ENTR1: variants seen among roughly 807,000 people sequenced by gnomAD.
The protein encoded by ENTR1 is endosome associated trafficking regulator 1.
A neutral mutation model predicts 47.9 loss-of-function variants in ENTR1; 47 were observed. The ratio of observed to expected loss-of-function variants is 0.98; its 90% CI spans 0.78 to 1.25. The LOEUF (loss-of-function observed/expected upper bound fraction) is 1.25, where lower values mean the gene tolerates loss of function less well. Among genes scored for constraint, ENTR1 ranks in the 50% most tolerant of loss-of-function variants. ENTR1 has a pLI of 0.00. For synonymous variants in ENTR1, 290 were observed against 245.8 expected (o/e 1.18, Z -1.68); for missense variants, 668 against 570.5 (o/e 1.17, Z -1.74).
At position 136,404,623 on chromosome 9, in the gene ENTR1, T is replaced by G. The variant is rs771706699; in HGVS notation, c.1068+8A>C. 23 of 1,613,868 alleles carry G rather than the reference T, an allele frequency of 1.4e-5. No individual in the cohort carries two copies. The highest frequency in any genetic ancestry group is 1.6e-5 in the Non-Finnish European group (19 of 1,179,814). ...AAGAAAAACACTGAAGTCCCTTCCTTTAATTACCTGGAGCAAACTGATTTC... is the reference window on the plus strand; with the variant it reads ...AAGAAAAACACTGAAGTCCCTTCCTGTAATTACCTGGAGCAAACTGATTTC... On this transcript the variant is annotated splice_region_variant and intron_variant, in intron 8 of 9. Transcript: ENST00000357365.
chr9:136,410,014 C>CTCGT, intron 2 of ENTR1, 76 bp downstream of exon 2: 2 of 1,553,642 alleles, frequency 1.3e-6, no homozygotes, highest in Non-Finnish European at 1.8e-6. Context: ...AATGGACGAG[C>CTCGT]TCGTGCTGCA....
rs1347430361 is a variant in ENTR1, at chr9:136,410,473, C to A, written c.-76G>T. On this transcript the variant is annotated 5_prime_UTR_variant, in exon 1 of 10. Transcript: ENST00000357365. ...CATGGCCCCGGCTCCGCCCGTGCCGCGGCCCGCGTCGCCCGCCCCCGTCGC... is the reference window on the plus strand; with the variant it reads ...CATGGCCCCGGCTCCGCCCGTGCCGAGGCCCGCGTCGCCCGCCCCCGTCGC... 1.0e-6 allele frequency: 1 copy of A among 991,710 alleles called. No individual in the cohort carries two copies. Among genetic ancestry groups the A allele is most frequent in the Non-Finnish European group, 1.2e-6 (1 of 823,240 alleles). The allele number at this position is 991,710 out of a possible 1,614,324, so 61.4% of individuals were successfully genotyped here. A position where few individuals can be genotyped will look rare whatever the true frequency, so the allele number is the denominator to read the frequency against.
At position 136,407,820 on chromosome 9, in the gene ENTR1, A is replaced by G. The variant is rs750607327; in HGVS notation, c.402+6T>C. 8.7e-6 allele frequency: 14 copies of G among 1,600,480 alleles called. No individual in the cohort carries two copies. The highest frequency in any genetic ancestry group is 1.1e-5 in the Non-Finnish European group (13 of 1,167,720). ...AGAGCCATCGCCCACAGTGCCGTGG[A>G]TTTACCTTTGCATAAATTCTGCTGG... On this transcript the variant is annotated splice_donor_region_variant and intron_variant, in intron 4 of 9. Transcript: ENST00000357365.
rs1292301482 is a variant in ENTR1 at position 136,403,417 on chromosome 9, G to A, written c.1209-530C>T. Among the ~76,000 whole-genome samples the A allele has an allele frequency of 3.9e-4, 30 of 76,526 alleles. 1 individual carries two copies. Among genetic ancestry groups the A allele is most frequent in the African/African-American group, 1.2e-3 (26 of 21,628 alleles). 50.2% of individuals were successfully genotyped at this position (76,526 alleles called of 152,430 possible). On this transcript the variant is annotated intron_variant, in intron 9 of 9. Transcript: ENST00000357365. ...CAGGGAGCAAGGGGTGGGGTTTGCC[G>A]GGGAAGAAAGGGACAGGGTTCCTGG... is the stretch of plus-strand genomic sequence containing the variant.
At chr9:136,410,069 G>C (rs998725124) in intron 2 of ENTR1, 21 bp downstream of exon 2, 1 of 1,612,382 alleles carries the variant, frequency 6.2e-7, no homozygotes, top group African/African-American at 1.3e-5. Flanking sequence ...CGTCCCCGGG[G>C]CCGGCGCCCT....
Position 136,410,310 on chromosome 9 carries a change from G to C in ENTR1, c.70+18C>G, listed in dbSNP as rs1364343062. On this transcript the variant is annotated intron_variant, in intron 1 of 9. Coordinates refer to ENST00000357365, the MANE Select transcript of ENTR1 (RefSeq NM_001039707.2). ...GCCGCCCACCTGGACCGCTGGACTC[G>C]GCCCCTGCCCCGCTCACCGTCGGGA... 1 of 1,549,650 alleles carries C rather than the reference G, an allele frequency of 6.5e-7. No individual in the cohort carries two copies. The highest frequency in any genetic ancestry group is 8.7e-7 in the Non-Finnish European group (1 of 1,147,022).
At position 136,402,806 on chromosome 9, in the gene ENTR1, G is replaced by A. The variant is rs372063103; in HGVS notation, c.1290C>T (p.Asp430=). The A allele has an allele frequency of 1.9e-5, 31 of 1,612,564 alleles. 1 individual carries two copies. The highest frequency in any genetic ancestry group is 1.2e-4 in the African/African-American group (9 of 74,806). Residue 430 remains aspartate (D), a synonymous_variant, in exon 10 of 10, where the codon GAC becomes GAT. Transcript: ENST00000357365. ...GGGGTCCTCAAGAGTCTTCCTCCTC[G>A]TCTTTAACTTCAGAAATTCTGTCTA... ...KSIDRISEVK[D]EEEDS is the part of the protein sequence containing the mutation.
intron 4 of ENTR1, 49 bp from the exon 5 acceptor site, chr9:136,407,610 G>GGA: frequency 6.7e-7 from 1 of 1,502,664 alleles, no homozygotes; most frequent in Non-Finnish European, 8.8e-7. Context: ...CTTCTGACTC[G>GGA]GAGCGCATCT....
Position 136,410,316 on chromosome 9 carries a change from T to C in ENTR1, c.70+12A>G. The C allele has an allele frequency of 6.5e-7, 1 of 1,548,502 alleles. No individual in the cohort carries two copies. ...CACCTGGACCGCTGGACTCGGCCCC[T>C]GCCCCGCTCACCGTCGGGAATGGCG... On this transcript the variant is annotated intron_variant, in intron 1 of 9. Transcript: ENST00000357365.
intron 8 of ENTR1, 110 bp downstream of exon 8, chr9:136,404,521 T>C (rs1834665543): frequency 1.7e-6 from 2 of 1,193,954 alleles, no homozygotes; most frequent in Admixed American, 2.0e-5. Context: ...GTCCTTTCTC[T>C]GCTTGGGCTC....
chr9:136,406,927 T>A, intron 5 of ENTR1: 1 of 542,198 alleles, frequency 1.8e-6, no homozygotes, highest in Non-Finnish European at 3.2e-6. Flanking sequence ...CTGCATCCAA[T>A]TCACAGCTTC....
intron 3 of ENTR1, 86 bp downstream of exon 3, chr9:136,408,913 G>C: frequency 5.8e-6 from 5 of 860,152 alleles, no homozygotes; most frequent in East Asian, 2.8e-5. Flanking sequence ...ACACCACATA[G>C]CCAGTCACAT....
intron 4 of ENTR1, 87 bp from the exon 5 acceptor site, chr9:136,407,648 GAAGA>G (rs1385529225): frequency 8.1e-6 from 12 of 1,472,510 alleles, no homozygotes; most frequent in African/African-American, 4.3e-5. Context: ...CTCGCAACAA[GAAGA>G]AAGGCCCAAT....
Position 136,402,865 on chromosome 9 carries a change from T to C in ENTR1, c.1231A>G (p.Thr411Ala). Residue 411 changes from threonine to alanine, a missense_variant, in exon 10 of 10, where the codon ACA (threonine) becomes GCA (alanine). Thr to Ala is a moderately conservative substitution (Grantham distance 58, BLOSUM62 0). Coordinates refer to ENST00000357365, the MANE Select transcript of ENTR1 (RefSeq NM_001039707.2). ...SIKQLVSGAE[T>A]LNLVAEILKS... ...AGGATTTCGGCAACAAGATTCAGTG[T>C]CTCAGCTCCGGAAACCAGTTGCCTG... The C allele has an allele frequency of 6.2e-7, 1 of 1,612,100 alleles. No individual in the cohort carries two copies. The highest frequency in any genetic ancestry group is 8.5e-7 in the Non-Finnish European group (1 of 1,179,734).
chr9:136,405,842 A>G (rs1834736524), intron 6 of ENTR1, 63 bp downstream of exon 6: 1 of 1,027,892 alleles, frequency 9.7e-7, no homozygotes, highest in South Asian at 1.5e-5. Context: ...ATTATCATTT[A>G]AAAACGGATT....
chr9:136,402,660 G>C lies in ENTR1; in HGVS notation c.*128C>G. 1 of 658,876 alleles carries C rather than the reference G, an allele frequency of 1.5e-6. No individual in the cohort carries two copies. Among genetic ancestry groups the C allele is most frequent in the South Asian group, 1.8e-5 (1 of 54,258 alleles). The allele number at this position is 658,876 out of a possible 1,614,324, so 40.8% of individuals were successfully genotyped here. On this transcript the variant is annotated 3_prime_UTR_variant, in exon 10 of 10. Transcript: ENST00000357365. Reference sequence around the variant, plus strand: ...AGAACTGGCTGAGGGCACGACACTGGACTCTTGCGATCAACACTTTACTCT... The same window carrying C: ...AGAACTGGCTGAGGGCACGACACTGCACTCTTGCGATCAACACTTTACTCT...
chr9:136,410,122 G>C lies in ENTR1; in HGVS notation c.188C>G (p.Pro63Arg). 6.2e-7 allele frequency: 1 copy of C among 1,612,840 alleles called. No homozygotes were observed. The highest frequency in any genetic ancestry group is 2.2e-5 in the East Asian group (1 of 44,836). ...GIRPAFMCYV[P>R]SPVLASVGDT... ...TCCCACGGAAGCCAGCACCGGGCTGGGCACATAGCACATAAAGGCCGGCCG... is the reference window on the plus strand; with the variant it reads ...TCCCACGGAAGCCAGCACCGGGCTGCGCACATAGCACATAAAGGCCGGCCG... The change falls in exon 2 of 10, where the codon CCC (proline) becomes CGC (arginine). Residue 63 changes from proline to arginine, a missense_variant. Pro to Arg is a moderately radical substitution (Grantham distance 103, BLOSUM62 -2). Transcript: ENST00000357365.
At chr9:136,405,059 C>T (rs992845933) in intron 7 of ENTR1, 32 bp downstream of exon 7, 1 of 1,562,878 alleles carries the variant, frequency 6.4e-7, no homozygotes, top group African/African-American at 1.4e-5. Flanking sequence ...CTGCCCCACC[C>T]AGCTCGTCCG....
At chr9:136,410,028 G>A (rs1490580874) in intron 2 of ENTR1, 62 bp downstream of exon 2, 2 of 1,576,512 alleles carry the variant, frequency 1.3e-6, no homozygotes, top group Non-Finnish European at 1.7e-6. Flanking sequence ...TGCTGCAGCG[G>A]AGGTGCCACA....
Sources: gnomAD v4.1 joint callset for allele counts (sites outside exome capture counted in the v4.1 genomes callset) on GRCh38, gnomAD v4.1.1 for gene constraint, MANE v1.5 for transcripts, NCBI Gene and HGNC (gene_info 2026-07-23, HGNC 2026-07-21) for gene names.